Variants in CACNA1A observed in about 807,000 individuals in gnomAD.
CACNA1A encodes voltage-dependent P/Q-type calcium channel subunit alpha-1A.
CACNA1A carries 57 observed loss-of-function variants against 262.4 expected under a neutral mutation model. That is an observed-to-expected ratio of 0.22 (90% CI 0.18 to 0.27). The LOEUF is 0.27. Among genes scored for constraint, CACNA1A ranks in the 10% least tolerant of loss-of-function variants. CACNA1A has a pLI of 1.00. For synonymous variants in CACNA1A, 1,431 were observed against 1,419.3 expected, an observed-to-expected ratio of 1.01 and a Z score of -0.18; for missense variants, 2,526 against 3,562.8, an observed-to-expected ratio of 0.71 and a Z score of 7.41.
At chr19:13,211,869 G>A (rs778428130) in intron 43 of CACNA1A, 2 of 511,626 alleles carry the variant, frequency 3.9e-6, no homozygotes, top group Non-Finnish European at 7.1e-6. Context: ...ACTGCCCTCT[G>A]CCCCAGGGGG....
At position 13,307,938 on chromosome 19, in the gene CACNA1A, C is replaced by T. The variant is rs138388055; in HGVS notation, c.1914-84G>A. 1.8e-4 allele frequency: 258 copies of T among 1,426,572 alleles called. 1 individual carries two copies. Among genetic ancestry groups the T allele is most frequent in the East Asian group, 1.7e-3 (73 of 43,992 alleles). 88.4% of individuals were successfully genotyped at this position (1,426,572 alleles called of 1,614,324 possible). Reference sequence around the variant, plus strand: ...GCTCAGTATCTCATCTCCAAGGAAACGAACGTCTCCATCATCTCTGTCCCC... The same window carrying T: ...GCTCAGTATCTCATCTCCAAGGAAATGAACGTCTCCATCATCTCTGTCCCC... On this transcript the variant is annotated intron_variant, in intron 14 of 46. Coordinates refer to ENST00000360228, the MANE Select transcript of CACNA1A (RefSeq NM_001127222.2).
chr19:13,442,713 C>CT (rs1216124159), intron 3 of CACNA1A, among the ~76,000 whole-genome samples: 4 of 152,196 alleles, frequency 2.6e-5, no homozygotes, highest in Admixed American at 6.5e-5. Flanking sequence ...GGAGCTTCCT[C>CT]TGACTCTGAA....
intron 3 of CACNA1A, among the ~76,000 whole-genome samples, chr19:13,444,549 G>A (rs1599468630): frequency 6.6e-6 from 1 of 152,254 alleles, no homozygotes; most frequent in East Asian, 1.9e-4. Flanking sequence ...AAAAAGCGAG[G>A]AACTGGGATT....
intron 25 of CACNA1A, 26 bp from the exon 26 acceptor site, chr19:13,261,636 A>G: frequency 3.1e-6 from 5 of 1,600,722 alleles, no homozygotes; most frequent in Non-Finnish European, 4.3e-6. Context: ...GACAGAGAGC[A>G]TGAGGGGCTG....
rs1392317449 is a variant in CACNA1A at position 13,317,097 on chromosome 19, C to T, written c.1555+15G>A. 4.4e-6 allele frequency: 7 copies of T among 1,576,534 alleles called. No homozygotes were observed. The African/African-American group carries it at 6.7e-5, about 15-fold the overall frequency. Reference sequence around the variant, plus strand: ...GATCAGGGAGTTGGCAGGGGTGGGGCTGGGTGATACTCACAAAGGAAGTCG... The same window carrying T: ...GATCAGGGAGTTGGCAGGGGTGGGGTTGGGTGATACTCACAAAGGAAGTCG... On this transcript the variant is annotated intron_variant, in intron 11 of 46. Coordinates refer to ENST00000360228, the MANE Select transcript of CACNA1A (RefSeq NM_001127222.2).
At chr19:13,479,304 A>G (rs1978961749) in intron 1 of CACNA1A, among the ~76,000 whole-genome samples, 1 of 152,224 alleles carries the variant, frequency 6.6e-6, no homozygotes, top group Non-Finnish European at 1.5e-5. Flanking sequence ...ATAAGGCAGA[A>G]GGGCGGGAGG....
At position 13,433,089 on chromosome 19, in the gene CACNA1A, G is replaced by C. The variant is rs559058073; in HGVS notation, c.539+19787C>G. Among the ~76,000 whole-genome samples, 48 of 151,922 alleles carry C rather than the reference G, an allele frequency of 3.2e-4. No individual in the cohort carries two copies. The East Asian group carries it at 7.8e-3, about 25-fold the overall frequency. On this transcript the variant is annotated intron_variant, in intron 3 of 46. Transcript: ENST00000360228. ...TGGGCGGATCACGAAGTCAGGAGAT[G>C]GAGACCATCCTGGCTAACACGGTGA...
chr19:13,341,898 C>T (rs1370994172), intron 6 of CACNA1A, among the ~76,000 whole-genome samples: 1 of 152,120 alleles, frequency 6.6e-6, no homozygotes, highest in African/African-American at 2.4e-5. Context: ...CCTGTATTCC[C>T]AGCCCCCTAG....
intron 3 of CACNA1A, among the ~76,000 whole-genome samples, chr19:13,418,199 G>A (rs547736354): frequency 2.6e-5 from 4 of 152,098 alleles, no homozygotes; most frequent in Non-Finnish European, 4.4e-5. Context: ...ATTTGTTAAT[G>A]TATGAAAAGT....
chr19:13,224,989 CCT>C, intron 37 of CACNA1A: 1 of 468,962 alleles, frequency 2.1e-6, no homozygotes, highest in East Asian at 3.5e-5. Flanking sequence ...GGTCCCCTGC[CCT>C]CTCCTTTTTT....
intron 3 of CACNA1A, 62 bp from the exon 4 acceptor site, chr19:13,371,841 G>C: frequency 8.4e-7 from 1 of 1,195,646 alleles, no homozygotes; most frequent in Non-Finnish European, 1.2e-6. Context: ...ACAGCAGGGC[G>C]GGGGTGCTTG....
intron 1 of CACNA1A, among the ~76,000 whole-genome samples, chr19:13,502,118 G>A (rs1982444330): frequency 6.8e-6 from 1 of 146,760 alleles, no homozygotes; most frequent in African/African-American, 2.5e-5. Flanking sequence ...GTCTCCCAGC[G>A]CTTCTCATGC....
intron 1 of CACNA1A, among the ~76,000 whole-genome samples, chr19:13,488,285 T>C (rs1341725707): frequency 6.6e-6 from 1 of 151,950 alleles, no homozygotes; most frequent in Non-Finnish European, 1.5e-5. Flanking sequence ...TTAGAAACCC[T>C]TGGGGAGTTT....
chr19:13,257,932 G>C (rs563969133), intron 27 of CACNA1A: 1 of 162,216 alleles, frequency 6.2e-6, no homozygotes, highest in Non-Finnish European at 1.3e-5. Context: ...TAGAGACGGG[G>C]TTTCACCATG....
intron 6 of CACNA1A, among the ~76,000 whole-genome samples, chr19:13,336,936 T>C (rs1270901181): frequency 6.6e-6 from 1 of 152,204 alleles, no homozygotes; most frequent in Non-Finnish European, 1.5e-5. Flanking sequence ...GGGTAGCCTT[T>C]GAATAGTTGA....
At chr19:13,234,808 G>A in intron 34 of CACNA1A, 113 bp downstream of exon 34, 1 of 748,692 alleles carries the variant, frequency 1.3e-6, no homozygotes, top group Non-Finnish European at 2.4e-6. Context: ...AGAGAAGGAG[G>A]AGGGCACGTC....
chr19:13,213,890 T>G (rs2054906586), intron 40 of CACNA1A: 1 of 231,488 alleles, frequency 4.3e-6, no homozygotes, highest in South Asian at 7.0e-5. Context: ...CTTTCTATGT[T>G]GCCCAGACTG....
chr19:13,478,692 T>C (rs1978875691), intron 1 of CACNA1A, among the ~76,000 whole-genome samples: 2 of 152,222 alleles, frequency 1.3e-5, no homozygotes, highest in Admixed American at 1.3e-4. Context: ...TTGTTCATAA[T>C]GGCCCAAACG....
At chr19:13,307,732 A>C in intron 15 of CACNA1A, 50 bp downstream of exon 15, 1 of 1,518,376 alleles carries the variant, frequency 6.6e-7, no homozygotes, top group Non-Finnish European at 9.1e-7. Flanking sequence ...AGGCACTTTC[A>C]TCTGTGACAC....
Sources: allele counts gnomAD v4.1 joint callset (sites outside exome capture counted in the v4.1 genomes callset), GRCh38; gene constraint gnomAD v4.1.1; transcripts MANE v1.5; gene names NCBI Gene and HGNC (gene_info 2026-07-23, HGNC 2026-07-21).